The following NSD2 variants were observed in gnomAD, a reference collection of about 807,000 sequenced individuals.
NSD2 encodes the protein histone-lysine N-methyltransferase NSD2.
NSD2 carries 12 observed loss-of-function variants against 139.0 expected under a neutral mutation model. The ratio of observed to expected loss-of-function variants is 0.09; its 90% CI spans 0.06 to 0.14. The LOEUF is 0.14. NSD2 is among the 10% of genes least tolerant of loss of function. The pLI, the probability that NSD2 is intolerant of heterozygous loss-of-function variation, is 1.00. For missense variants in NSD2, 1,155 were observed against 1,745.0 expected, an observed-to-expected ratio of 0.66 and a Z score of 6.02; for synonymous variants, 669 against 648.7, an observed-to-expected ratio of 1.03 and a Z score of -0.48.
At chr4:1,928,724 G>C (rs1056832579) in intron 5 of NSD2, among the ~76,000 whole-genome samples, 48 of 152,272 alleles carry the variant, frequency 3.2e-4, no homozygotes, top group African/African-American at 1.1e-3. Context: ...AGTCATGGTG[G>C]GTGATGGGGT....
intron 3 of NSD2, among the ~76,000 whole-genome samples, chr4:1,908,365 G>T (rs1407723840): frequency 6.6e-6 from 1 of 152,238 alleles, no homozygotes; most frequent in Non-Finnish European, 1.5e-5. Flanking sequence ...CACCTCAGCA[G>T]TCGGCTTCTC....
intron 3 of NSD2, among the ~76,000 whole-genome samples, chr4:1,911,254 G>C (rs1179792050): frequency 2.6e-5 from 4 of 152,156 alleles, no homozygotes; most frequent in African/African-American, 9.7e-5. Context: ...TCAGTGACTT[G>C]CATTTTTATA....
intron 18 of NSD2, among the ~76,000 whole-genome samples, chr4:1,964,314 C>G (rs1000922725): frequency 6.6e-6 from 1 of 152,022 alleles, no homozygotes; most frequent in African/African-American, 2.4e-5. Context: ...AAGCTGTGTC[C>G]CCACCTAGAC....
intron 1 of NSD2, among the ~76,000 whole-genome samples, chr4:1,876,655 C>T (rs890679515): frequency 3.9e-5 from 6 of 152,158 alleles, no homozygotes; most frequent in African/African-American, 1.4e-4. Context: ...CATACCACCA[C>T]ACTCCAGCCT....
At chr4:1,899,945 C>G (rs1716934577) in intron 1 of NSD2, among the ~76,000 whole-genome samples, 2 of 152,198 alleles carry the variant, frequency 1.3e-5, no homozygotes, top group South Asian at 4.1e-4. Context: ...GATTAGTGGA[C>G]TGAGATAAGA....
intron 2 of NSD2, among the ~76,000 whole-genome samples, chr4:1,902,933 G>T (rs1346513748): frequency 1.3e-5 from 2 of 152,122 alleles, no homozygotes; most frequent in Non-Finnish European, 2.9e-5. Context: ...CCAGCACTTT[G>T]GGAGGCTGAG....
At chr4:1,927,431 G>T (rs778249129) in intron 5 of NSD2, among the ~76,000 whole-genome samples, 6 of 151,892 alleles carry the variant, frequency 4.0e-5, no homozygotes, top group Non-Finnish European at 5.9e-5. Context: ...AAAGATGTTG[G>T]GGGGAGCACA....
intron 3 of NSD2, among the ~76,000 whole-genome samples, chr4:1,908,026 T>A (rs1718170911): frequency 6.6e-6 from 1 of 152,186 alleles, no homozygotes; most frequent in South Asian, 2.1e-4. Context: ...AAACATCACA[T>A]CAGTAACAAG....
chr4:1,934,036 C>A (rs1722003132), intron 6 of NSD2, among the ~76,000 whole-genome samples: 1 of 150,496 alleles, frequency 6.6e-6, no homozygotes, highest in Middle Eastern at 3.4e-3. Context: ...TTAAGTTCAA[C>A]TTAAATTCCA....
chr4:1,929,914 AGGTG>A (rs1191453666), intron 5 of NSD2, among the ~76,000 whole-genome samples: 2 of 152,142 alleles, frequency 1.3e-5, no homozygotes, highest in Non-Finnish European at 2.9e-5. Context: ...GGTTATTACC[AGGTG>A]GAGCGAAGTC....
At position 1,974,215 on chromosome 4, in the gene NSD2, C is replaced by CT. The variant is rs112710017; in HGVS notation, c.3373-636dup. 0.019 allele frequency among the ~76,000 whole-genome samples: 2,802 copies of CT among 144,858 alleles called. 36 individuals carry two copies. The highest frequency in any genetic ancestry group is 0.064 in the Middle Eastern group (18 of 280). On this transcript the variant is annotated intron_variant, in intron 18 of 21. Coordinates refer to ENST00000508803, the MANE Select transcript of NSD2 (RefSeq NM_001042424.3). This position sits in a 1 kb window ranked among gnomAD's most constrained non-coding sequence, Gnocchi z 4.0. ...TTTGCTGGTTTTCGGTTGGGTGAGT[C>CT]TTTTTTTTTTTTGAGACGGAGTTTT...
At chr4:1,922,241 C>A (rs1720243741) in intron 5 of NSD2, among the ~76,000 whole-genome samples, 1 of 152,136 alleles carries the variant, frequency 6.6e-6, no homozygotes. Flanking sequence ...TACAGAAAAT[C>A]TTTTAGAATT....
intron 18 of NSD2, among the ~76,000 whole-genome samples, chr4:1,967,357 A>T (rs1419585581): frequency 6.6e-6 from 1 of 152,226 alleles, no homozygotes; most frequent in Non-Finnish European, 1.5e-5. Flanking sequence ...AGGCCGGCAG[A>T]TCACAAGGTC....
chr4:1,929,923 GAA>G (rs1553871249), intron 5 of NSD2, among the ~76,000 whole-genome samples: 2 of 152,154 alleles, frequency 1.3e-5, no homozygotes, highest in Non-Finnish European at 2.9e-5. Flanking sequence ...CAGGTGGAGC[GAA>G]GTCCCCAGGA....
chr4:1,922,475 A>T (rs186628136), intron 5 of NSD2, among the ~76,000 whole-genome samples: 1 of 152,230 alleles, frequency 6.6e-6, no homozygotes, highest in East Asian at 1.9e-4. Flanking sequence ...GAAGTTGTCA[A>T]TTCTCCCTTT....
At position 1,958,428 on chromosome 4, in the gene NSD2, A is replaced by C. The variant is rs1376586184; in HGVS notation, c.2985+392A>C. Among the ~76,000 whole-genome samples, 2 of 152,202 alleles carry C rather than the reference A, an allele frequency of 1.3e-5. No homozygotes were observed. Among genetic ancestry groups the C allele is most frequent in the African/African-American group, 2.4e-5 (1 of 41,448 alleles). On this transcript the variant is annotated intron_variant, in intron 16 of 21. Transcript: ENST00000508803. This position sits in a 1 kb window ranked among gnomAD's most constrained non-coding sequence, Gnocchi z 4.6. ...AACACGTAGATCCTGTACCTCAGAG[A>C]GCAAGATGGCGGGGCGGCAGGGGAG...
At chr4:1,871,857 G>T (rs1469617696) in intron 1 of NSD2, among the ~76,000 whole-genome samples, 1 of 147,864 alleles carries the variant, frequency 6.8e-6, no homozygotes, top group African/African-American at 2.4e-5. Context: ...CCTGCGGGCG[G>T]CGGCGGCTAA....
At chr4:1,941,103 T>C in intron 9 of NSD2, 2 of 1,055,528 alleles carry the variant, frequency 1.9e-6, no homozygotes, top group South Asian at 4.6e-5. Flanking sequence ...TACTGAAATA[T>C]GAAAAGGCAA....
rs1365682414 is a variant in NSD2, at chr4:1,958,632, T to A, written c.2985+596T>A. Reference sequence around the variant, plus strand: ...TCCTGACGAGTGTTTGTGATAAGTGTGTGCCGGAGGTCAGGTGCTCTGCCT... The same window carrying A: ...TCCTGACGAGTGTTTGTGATAAGTGAGTGCCGGAGGTCAGGTGCTCTGCCT... On this transcript the variant is annotated intron_variant, in intron 16 of 21. Transcript: ENST00000508803. This position sits in a 1 kb window ranked among gnomAD's most constrained non-coding sequence, Gnocchi z 4.6. 1.3e-5 allele frequency among the ~76,000 whole-genome samples: 2 copies of A among 152,256 alleles called. No homozygotes were observed. Among genetic ancestry groups the A allele is most frequent in the South Asian group, 4.1e-4 (2 of 4,838 alleles).
Sources: allele counts gnomAD v4.1 joint callset (sites outside exome capture counted in the v4.1 genomes callset), GRCh38; gene constraint gnomAD v4.1.1; non-coding constraint Gnocchi (gnomAD v3.1); transcripts MANE v1.5; gene names NCBI Gene and HGNC (gene_info 2026-07-23, HGNC 2026-07-21).